Variants in ZNF609 observed in about 807,000 individuals in gnomAD.
ZNF609 encodes zinc finger protein 609.
A neutral mutation model predicts 109.5 loss-of-function variants in ZNF609; 11 were observed. The ratio of observed to expected loss-of-function variants is 0.10; its 90% CI spans 0.06 to 0.17. The LOEUF (loss-of-function observed/expected upper bound fraction) is 0.17, where lower values mean the gene tolerates loss of function less well. Ranked by LOEUF, ZNF609 falls within the 10% of genes least tolerant of loss-of-function variation. The pLI is 1.00. For missense variants in ZNF609, 1,559 were observed against 1,772.4 expected (o/e 0.88, Z 2.16); for synonymous variants, 646 against 662.0 (o/e 0.98, Z 0.37).
At chr15:64,587,080 G>T (rs1895210888) in intron 2 of ZNF609, among the ~76,000 whole-genome samples, 1 of 152,194 alleles carries the variant, frequency 6.6e-6, no homozygotes, top group Admixed American at 6.5e-5. Flanking sequence ...CAATATTTTA[G>T]GAGAGGCTAC....
chr15:64,505,671 G>C (rs1001846237), intron 2 of ZNF609, among the ~76,000 whole-genome samples: 4 of 152,112 alleles, frequency 2.6e-5, no homozygotes, highest in African/African-American at 9.7e-5. Flanking sequence ...CCCTAGATAT[G>C]CCGAATAAGT....
chr15:64,480,881 AT>A (rs1229132840), intron 1 of ZNF609, among the ~76,000 whole-genome samples: 1 of 152,208 alleles, frequency 6.6e-6, no homozygotes, highest in Non-Finnish European at 1.5e-5. Flanking sequence ...GATTGATTAA[AT>A]TCTTCATTGA....
At chr15:64,586,076 G>C (rs1895190325) in intron 2 of ZNF609, among the ~76,000 whole-genome samples, 1 of 152,134 alleles carries the variant, frequency 6.6e-6, no homozygotes, top group East Asian at 1.9e-4. Flanking sequence ...TGTAATCCCA[G>C]CACTTTGGGA....
intron 1 of ZNF609, among the ~76,000 whole-genome samples, chr15:64,465,251 CTT>C (rs1343916280): frequency 1.3e-5 from 2 of 152,154 alleles, no homozygotes; most frequent in African/African-American, 2.4e-5. Flanking sequence ...ATGTAATTGA[CTT>C]TTTGTGGAAG....
intron 2 of ZNF609, among the ~76,000 whole-genome samples, chr15:64,594,023 AAC>A (rs1895347078): frequency 6.6e-6 from 1 of 152,208 alleles, no homozygotes; most frequent in South Asian, 2.1e-4. Flanking sequence ...TTATGTCATG[AAC>A]ACACATATTA....
chr15:64,463,729 AT>A, intron 1 of ZNF609, among the ~76,000 whole-genome samples: 1 of 152,096 alleles, frequency 6.6e-6, no homozygotes. Context: ...TCTGACCTTT[AT>A]ATATTTTTTG....
At chr15:64,619,588 G>A (rs968102350) in intron 2 of ZNF609, among the ~76,000 whole-genome samples, 55 of 152,126 alleles carry the variant, frequency 3.6e-4, no homozygotes, top group African/African-American at 1.3e-3. Flanking sequence ...GGATTTCGTC[G>A]CTTCTCCCCA....
intron 1 of ZNF609, among the ~76,000 whole-genome samples, chr15:64,473,813 A>G (rs1019400831): frequency 6.6e-6 from 1 of 151,708 alleles, no homozygotes; most frequent in Non-Finnish European, 1.5e-5. Context: ...TCTGTCGCCC[A>G]CACCCCGTCT....
intron 4 of ZNF609, among the ~76,000 whole-genome samples, chr15:64,671,895 G>C (rs1047475389): frequency 6.6e-6 from 1 of 151,042 alleles, no homozygotes; most frequent in Non-Finnish European, 1.5e-5. Context: ...GTATTTTAAA[G>C]TTCTTGATTC....
At chr15:64,584,605 C>G (rs972591848) in intron 2 of ZNF609, among the ~76,000 whole-genome samples, 1 of 150,940 alleles carries the variant, frequency 6.6e-6, no homozygotes, top group Non-Finnish European at 1.5e-5. Flanking sequence ...TGGTCAGCCA[C>G]TGCACCCAGC....
rs1478592710 is a variant in ZNF609, at chr15:64,681,567, G to A, written c.*6-125G>A. On this transcript the variant is annotated intron_variant, in intron 9 of 9. Coordinates refer to ENST00000326648, the MANE Select transcript of ZNF609 (RefSeq NM_015042.2). ...GCCATGTGCATCTGAGAGGACCTGT[G>A]GAACACAGTGTCCCCTAGGGACCAG... 2.9e-5 allele frequency: 17 copies of A among 587,094 alleles called. 1 individual carries two copies. Among genetic ancestry groups the A allele is most frequent in the Admixed American group, 1.2e-4 (4 of 34,020 alleles). The allele number at this position is 587,094 out of a possible 1,614,324, so 36.4% of individuals were successfully genotyped here.
intron 2 of ZNF609, among the ~76,000 whole-genome samples, chr15:64,600,130 C>T (rs1379564342): frequency 1.3e-5 from 2 of 152,104 alleles, no homozygotes; most frequent in Non-Finnish European, 2.9e-5. Flanking sequence ...CGAGCCTGGC[C>T]AACACAGCGA....
chr15:64,485,667 T>C (rs1029413949), intron 1 of ZNF609, among the ~76,000 whole-genome samples: 2 of 152,040 alleles, frequency 1.3e-5, no homozygotes, highest in African/African-American at 4.8e-5. Flanking sequence ...TCACTGGGCA[T>C]GGTCATGCAC....
intron 2 of ZNF609, among the ~76,000 whole-genome samples, chr15:64,531,468 G>C (rs1413999259): frequency 2.6e-5 from 4 of 152,138 alleles, no homozygotes; most frequent in African/African-American, 4.8e-5. Flanking sequence ...GACAATCATG[G>C]CTCACTGCAA....
At chr15:64,464,758 T>C (rs1892987904) in intron 1 of ZNF609, among the ~76,000 whole-genome samples, 1 of 152,138 alleles carries the variant, frequency 6.6e-6, no homozygotes, top group Non-Finnish European at 1.5e-5. Flanking sequence ...CTCTTTTCGC[T>C]AGGGAACAGG....
chr15:64,540,699 C>T (rs563449029), intron 2 of ZNF609, among the ~76,000 whole-genome samples: 6 of 151,446 alleles, frequency 4.0e-5, no homozygotes, highest in African/African-American at 7.3e-5. Flanking sequence ...ATACCGTGTC[C>T]GGCCACAGAT....
intron 5 of ZNF609, among the ~76,000 whole-genome samples, chr15:64,677,045 C>T (rs1262459016): frequency 6.6e-6 from 1 of 151,904 alleles, no homozygotes; most frequent in African/African-American, 2.4e-5. Context: ...AGCCACTGCG[C>T]CCAGTCGTAA....
At chr15:64,582,702 TTC>T (rs1895125791) in intron 2 of ZNF609, among the ~76,000 whole-genome samples, 1 of 128,896 alleles carries the variant, frequency 7.8e-6, no homozygotes, top group African/African-American at 3.0e-5. Context: ...CATTCACTCT[TTC>T]TTTCTTTCTT....
chr15:64,592,245 G>A (rs1895311903), intron 2 of ZNF609, among the ~76,000 whole-genome samples: 1 of 152,068 alleles, frequency 6.6e-6, no homozygotes, highest in Non-Finnish European at 1.5e-5. Flanking sequence ...TCCATCTATA[G>A]TTAATTGGTT....
Sources: gnomAD v4.1 joint callset for allele counts (sites outside exome capture counted in the v4.1 genomes callset) on GRCh38, gnomAD v4.1.1 for gene constraint, MANE v1.5 for transcripts, NCBI Gene and HGNC (gene_info 2026-07-23, HGNC 2026-07-21) for gene names.